CYP27C1: variants seen among roughly 807,000 people sequenced by gnomAD.
The protein encoded by CYP27C1 is cytochrome P450 family 27 subfamily C member 1.
A neutral mutation model predicts 40.6 loss-of-function variants in CYP27C1; 29 were observed. The ratio of observed to expected loss-of-function variants is 0.71; its 90% CI spans 0.53 to 0.97. The LOEUF (loss-of-function observed/expected upper bound fraction) is 0.97. Among genes scored for constraint, CYP27C1 ranks in the 50% least tolerant of loss-of-function variants. The probability of loss-of-function intolerance (pLI) is 0.00; values close to 1 mark genes in which losing one functional copy is unlikely to be tolerated. For missense variants in CYP27C1, 390 were observed against 485.8 expected, an observed-to-expected ratio of 0.80 and a Z score of 1.85; for synonymous variants, 198 against 186.8, an observed-to-expected ratio of 1.06 and a Z score of -0.49.
At position 127,193,251 on chromosome 2, in the gene CYP27C1, T is replaced by C. The variant is rs367605544; in HGVS notation, c.1340A>G (p.Asn447Ser). 13 of 1,614,034 alleles carry C rather than the reference T, an allele frequency of 8.1e-6. No individual in the cohort carries two copies. Among genetic ancestry groups the C allele is most frequent in the African/African-American group, 4.0e-5 (3 of 74,914 alleles). ...CCGGAACTCCTTGGCCCGAGGGAAGTTCTCATCCTGGTACGATGTGGCATA... is the reference window on the plus strand; with the variant it reads ...CCGGAACTCCTTGGCCCGAGGGAAGCTCTCATCCTGGTACGATGTGGCATA... ...CHYATSYQDENFPRAKEFRPE... is the reference protein window; with the variant it reads ...CHYATSYQDESFPRAKEFRPE... The change falls in exon 8 of 9, where the codon AAC becomes AGC. Residue 447 changes from asparagine (N) to serine (S), a missense_variant. By Grantham distance (46) the Asn-to-Ser change is conservative (BLOSUM62 1). Coordinates refer to ENST00000664447, the MANE Select transcript of CYP27C1 (RefSeq NM_001367502.1).
chr2:127,191,160 T>C (rs1336362799), intron 8 of CYP27C1, among the ~76,000 whole-genome samples: 1 of 151,844 alleles, frequency 6.6e-6, no homozygotes, highest in Non-Finnish European at 1.5e-5. Flanking sequence ...GGCAGGAGAA[T>C]TGCATGACCC....
In CYP27C1 at chr2:127,196,095, C is replaced by T. The variant is rs1305781623; in HGVS notation, c.1048-594G>A. On this transcript the variant is annotated intron_variant, in intron 5 of 8. Coordinates refer to ENST00000664447, the MANE Select transcript of CYP27C1 (RefSeq NM_001367502.1). The surrounding 1 kb of genome is among the most constrained non-coding windows in gnomAD (Gnocchi z 4.5). Reference sequence around the variant, plus strand: ...TTTTTTTTTTTGAGACGGAGTCTCGCTCTGTCGCCCAGGCTGGAATGCAGT... The same window carrying T: ...TTTTTTTTTTTGAGACGGAGTCTCGTTCTGTCGCCCAGGCTGGAATGCAGT... 6.6e-6 allele frequency among the ~76,000 whole-genome samples: 1 copy of T among 151,500 alleles called. No individual in the cohort carries two copies. Among genetic ancestry groups the T allele is most frequent in the Non-Finnish European group, 1.5e-5 (1 of 67,934 alleles).
chr2:127,217,930 C>G (rs549497325), intron 1 of CYP27C1, among the ~76,000 whole-genome samples: 1 of 152,222 alleles, frequency 6.6e-6, no homozygotes, highest in African/African-American at 2.4e-5. Flanking sequence ...GTGAGAGTCC[C>G]CACAAGTACC....
chr2:127,216,015 C>G (rs987571384), intron 1 of CYP27C1, among the ~76,000 whole-genome samples: 4 of 152,082 alleles, frequency 2.6e-5, no homozygotes, highest in African/African-American at 9.7e-5. Context: ...ACTAGAATGG[C>G]CATAATCAAA....
intron 1 of CYP27C1, among the ~76,000 whole-genome samples, chr2:127,214,730 C>T (rs1028441526): frequency 3.3e-5 from 5 of 149,626 alleles, no homozygotes; most frequent in African/African-American, 1.2e-4. Flanking sequence ...CACCATGGTG[C>T]ACGTACACCT....
At chr2:127,190,567 C>T (rs984066292) in intron 8 of CYP27C1, among the ~76,000 whole-genome samples, 1 of 150,568 alleles carries the variant, frequency 6.6e-6, no homozygotes, top group African/African-American at 2.4e-5. Context: ...GTCTCGAACT[C>T]CTGACCTCAT....
At chr2:127,192,836 G>A (rs1485345840) in intron 8 of CYP27C1, among the ~76,000 whole-genome samples, 1 of 75,086 alleles carries the variant, frequency 1.3e-5, no homozygotes, top group Non-Finnish European at 2.8e-5. Flanking sequence ...TTTTGGATAG[G>A]GTCTCACTCT....
chr2:127,216,759 G>C (rs1383459023), intron 1 of CYP27C1, among the ~76,000 whole-genome samples: 1 of 152,176 alleles, frequency 6.6e-6, no homozygotes, highest in Admixed American at 6.5e-5. Flanking sequence ...AAACACAAAA[G>C]TGATGAGCCT....
intron 7 of CYP27C1, 143 bp downstream of exon 7, chr2:127,193,646 C>T: frequency 1.1e-6 from 1 of 884,244 alleles, no homozygotes; most frequent in Non-Finnish European, 1.8e-6. Flanking sequence ...CTCCCAACAC[C>T]CCATCTTCAT....
In CYP27C1 at chr2:127,219,610, C is replaced by T. The variant is rs561643689; in HGVS notation, c.282+379G>A. ...CCCTCCCTGCCGCCACCTCCCGAGA[C>T]ACCCATTTCCCCCGCCTCTTCCCAG... On this transcript the variant is annotated intron_variant, in intron 1 of 8. Coordinates refer to ENST00000664447, the MANE Select transcript of CYP27C1 (RefSeq NM_001367502.1). The surrounding 1 kb of genome is among the most constrained non-coding windows in gnomAD (Gnocchi z 8.7). Among the ~76,000 whole-genome samples, 11 of 151,834 alleles carry T rather than the reference C, an allele frequency of 7.2e-5. 1 individual carries two copies. The South Asian group carries it at 2.3e-3, about 32-fold the overall frequency.
intron 8 of CYP27C1, among the ~76,000 whole-genome samples, chr2:127,188,419 A>G (rs1410268117): frequency 6.6e-6 from 1 of 152,068 alleles, no homozygotes; most frequent in Non-Finnish European, 1.5e-5. Flanking sequence ...TAATTTTTTC[A>G]TAGAAACAAA....
chr2:127,204,527 AAGAAAGAAAGAGAGAGAGAGAGAGAGAG>A (rs1683154860), intron 2 of CYP27C1, among the ~76,000 whole-genome samples: 1 of 44,084 alleles, frequency 2.3e-5, no homozygotes, highest in Non-Finnish European at 4.4e-5. Flanking sequence ...GAAAGAAAGA[AAGAAAGAAAGAGAGAGAGAGAGAGAGAG>A]AGAAAGAAAG....
chr2:127,195,274 T>A lies in CYP27C1; in HGVS notation c.1214+61A>T, dbSNP rs1398155242. Reference sequence around the variant, plus strand: ...GGGGGGGCATTTGGAGGACTTGTTGTGATAGAGAACCAGGGACCTAAGGGA... The same window carrying A: ...GGGGGGGCATTTGGAGGACTTGTTGAGATAGAGAACCAGGGACCTAAGGGA... On this transcript the variant is annotated intron_variant, in intron 6 of 8. Coordinates refer to ENST00000664447, the MANE Select transcript of CYP27C1 (RefSeq NM_001367502.1). This position sits in a 1 kb window ranked among gnomAD's most constrained non-coding sequence, Gnocchi z 6.2. The A allele has an allele frequency of 6.2e-7, 1 of 1,605,950 alleles. No homozygotes were observed. The highest frequency in any genetic ancestry group is 8.5e-7 in the Non-Finnish European group (1 of 1,175,316).
In CYP27C1 at chr2:127,193,827, C is replaced by G; in HGVS notation, c.1255G>C (p.Glu419Gln). 1 of 1,614,208 alleles carries G rather than the reference C, an allele frequency of 6.2e-7. No homozygotes were observed. Among genetic ancestry groups the G allele is most frequent in the East Asian group, 2.2e-5 (1 of 44,890 alleles). ...VLPGNGRVTQ[E>Q]DLVIGGYLIP... Reference sequence around the variant, plus strand: ...AGATACCCGCCAATAACCAGGTCTTCCTGGGTGACCCGGCCGTTCCCTGGC... The same window carrying G: ...AGATACCCGCCAATAACCAGGTCTTGCTGGGTGACCCGGCCGTTCCCTGGC... The change falls in exon 7 of 9, where the codon GAA becomes CAA. Residue 419 changes from glutamate (E) to glutamine (Q), a missense_variant. Physicochemically the swap from Glu to Gln is conservative, Grantham distance 29. Transcript: ENST00000664447.
intron 5 of CYP27C1, among the ~76,000 whole-genome samples, chr2:127,197,724 G>T (rs1682936180): frequency 6.6e-6 from 1 of 152,144 alleles, no homozygotes; most frequent in African/African-American, 2.4e-5. Flanking sequence ...CATCAGCCTA[G>T]CTCCTCCCTG....
At position 127,207,165 on chromosome 2, in the gene CYP27C1, GATAAGGTTGGGCAACA is replaced by G. The variant is rs1683244989; in HGVS notation, c.283-1091_283-1076del. Among the ~76,000 whole-genome samples the G allele has an allele frequency of 3.9e-5, 6 of 152,202 alleles. No homozygotes were observed. In the South Asian group the frequency reaches 1.2e-3, roughly 32 times the overall value. Reference sequence around the variant, plus strand: ...GGATCGCTAGAGCACAGGAGTTCAAGATAAGGTTGGGCAACATGGCAAAATTCTGTCTCTAAAAAAA... The same window carrying G: ...GGATCGCTAGAGCACAGGAGTTCAAGTGGCAAAATTCTGTCTCTAAAAAAA... On this transcript the variant is annotated intron_variant, in intron 1 of 8. Coordinates refer to ENST00000664447, the MANE Select transcript of CYP27C1 (RefSeq NM_001367502.1).
At chr2:127,187,871 C>T (rs1293307530) in intron 8 of CYP27C1, among the ~76,000 whole-genome samples, 1 of 152,180 alleles carries the variant, frequency 6.6e-6, no homozygotes, top group Non-Finnish European at 1.5e-5. Flanking sequence ...GTGCTACTAT[C>T]CTGAATTTAA....
At chr2:127,206,594 A>G (rs1683234188) in intron 1 of CYP27C1, among the ~76,000 whole-genome samples, 1 of 152,178 alleles carries the variant, frequency 6.6e-6, no homozygotes, top group South Asian at 2.1e-4. Flanking sequence ...AGGCATGATC[A>G]TGGAAGTTTT....
intron 8 of CYP27C1, among the ~76,000 whole-genome samples, chr2:127,189,175 C>A (rs898141855): frequency 3.8e-4 from 58 of 151,094 alleles, no homozygotes; most frequent in Non-Finnish European, 4.4e-5. Flanking sequence ...ACTGCCCCCC[C>A]CCTCCGCCCC....
Sources: gnomAD v4.1 joint callset for allele counts (sites outside exome capture counted in the v4.1 genomes callset) on GRCh38, gnomAD v4.1.1 for gene constraint, Gnocchi (gnomAD v3.1) non-coding constraint, MANE v1.5 for transcripts, NCBI Gene and HGNC (gene_info 2026-07-23, HGNC 2026-07-21) for gene names.